Variants in ADAM2 observed in about 807,000 individuals in gnomAD.
ADAM2 encodes disintegrin and metalloproteinase domain-containing protein 2.
Under a neutral mutation model 99.3 loss-of-function variants are expected in ADAM2, and 101 were observed. The ratio of observed to expected loss-of-function variants is 1.02; its 90% confidence interval spans 0.87 to 1.20. The LOEUF (loss-of-function observed/expected upper bound fraction) is 1.20, where lower values mean the gene tolerates loss of function less well. Among genes scored for constraint, ADAM2 ranks in the 50% most tolerant of loss-of-function variants. The pLI is 0.00. For missense variants in ADAM2, 948 were observed against 878.7 expected (o/e 1.08, Z -1.00); for synonymous variants, 323 against 287.6 (o/e 1.12, Z -1.25).
intron 19 of ADAM2, among the ~76,000 whole-genome samples, chr8:39,746,188 G>A (rs929927512): frequency 1.6e-4 from 25 of 152,074 alleles, no homozygotes; most frequent in African/African-American, 5.8e-4. Context: ...ACCACGCCTG[G>A]CTAATTTTTG....
At chr8:39,750,308 G>A (rs949499795) in intron 16 of ADAM2, among the ~76,000 whole-genome samples, 24 of 151,958 alleles carry the variant, frequency 1.6e-4, no homozygotes, top group African/African-American at 5.5e-4. Flanking sequence ...AATGTACCTG[G>A]CCCCAAGAAG....
At chr8:39,829,128 G>C (rs947102777) in intron 3 of ADAM2, among the ~76,000 whole-genome samples, 1 of 151,810 alleles carries the variant, frequency 6.6e-6, no homozygotes, top group Admixed American at 6.6e-5. Context: ...GCCAATTTCT[G>C]TTTCAACAAA....
intron 16 of ADAM2, among the ~76,000 whole-genome samples, chr8:39,753,080 T>C (rs1400675919): frequency 1.3e-5 from 2 of 152,006 alleles, no homozygotes; most frequent in Admixed American, 6.6e-5. Context: ...TTGGAATCAT[T>C]TGGAGGGCTA....
intron 7 of ADAM2, among the ~76,000 whole-genome samples, chr8:39,790,302 A>C (rs1716422060): frequency 6.6e-6 from 1 of 151,976 alleles, no homozygotes; most frequent in African/African-American, 2.4e-5. Context: ...TCAACTAATG[A>C]ATAGGTAATC....
chr8:39,757,145 C>G lies in ADAM2; in HGVS notation c.1614-1234G>C, dbSNP rs1802178089. 2.0e-5 allele frequency among the ~76,000 whole-genome samples: 3 copies of G among 152,162 alleles called. No homozygotes were observed. The South Asian group carries it at 6.2e-4, about 32-fold the overall frequency. ...CTTCCTAAAATCACCTAACCCAAGT[C>G]CAAATCTCTAGAACTGGCATACTCC... On this transcript the variant is annotated intron_variant, in intron 15 of 20. Coordinates refer to ENST00000265708, the MANE Select transcript of ADAM2 (RefSeq NM_001464.5).
rs545328009 is a variant in ADAM2, at chr8:39,753,900, T to G, written c.1797+1828A>C. On this transcript the variant is annotated intron_variant, in intron 16 of 20. Coordinates refer to ENST00000265708, the MANE Select transcript of ADAM2 (RefSeq NM_001464.5). ...ATGAAAATGGGGCAATTTAAAAACC[T>G]GCCAACTTGCCCAGTGTTTGTAGAA... 2.6e-5 allele frequency among the ~76,000 whole-genome samples: 4 copies of G among 152,216 alleles called. No homozygotes were observed. In the East Asian group the frequency reaches 5.8e-4, roughly 22 times the overall value.
intron 6 of ADAM2, among the ~76,000 whole-genome samples, chr8:39,813,470 C>T (rs1036861384): frequency 1.2e-4 from 18 of 152,118 alleles, no homozygotes; most frequent in East Asian, 1.9e-4. Context: ...CACATGCACA[C>T]GTATGTTTAT....
chr8:39,780,397 G>A (rs1227825231), intron 10 of ADAM2, among the ~76,000 whole-genome samples: 1 of 152,118 alleles, frequency 6.6e-6, no homozygotes, highest in South Asian at 2.1e-4. Flanking sequence ...TGTTAGGATA[G>A]AATTGTAGGT....
intron 15 of ADAM2, among the ~76,000 whole-genome samples, chr8:39,757,266 G>A (rs1472209276): frequency 6.6e-6 from 1 of 151,906 alleles, no homozygotes; most frequent in African/African-American, 2.4e-5. Flanking sequence ...TGGCTGGAAG[G>A]CATTGTAGTA....
At chr8:39,760,028 G>C (rs1261287598) in intron 15 of ADAM2, among the ~76,000 whole-genome samples, 1 of 151,996 alleles carries the variant, frequency 6.6e-6, no homozygotes, top group African/African-American at 2.4e-5. Context: ...CATCATGCCT[G>C]GCTAATTTTT....
At chr8:39,832,451 T>G (rs2129589267) in intron 3 of ADAM2, among the ~76,000 whole-genome samples, 1 of 152,318 alleles carries the variant, frequency 6.6e-6, no homozygotes, top group Non-Finnish European at 1.5e-5. Context: ...CACTTTATGC[T>G]GTCCCATCCC....
chr8:39,791,932 A>C (rs1460548656), intron 7 of ADAM2, among the ~76,000 whole-genome samples: 6 of 152,060 alleles, frequency 3.9e-5, no homozygotes, highest in Admixed American at 3.9e-4. Context: ...TGCCACCTAA[A>C]ACTAGGATTC....
intron 11 of ADAM2, among the ~76,000 whole-genome samples, chr8:39,775,085 G>T (rs1288905697): frequency 6.6e-6 from 1 of 152,080 alleles, no homozygotes; most frequent in African/African-American, 2.4e-5. Flanking sequence ...ACAGGAAAAT[G>T]TACAGAATAT....
intron 7 of ADAM2, among the ~76,000 whole-genome samples, chr8:39,793,479 T>G (rs1358249041): frequency 2.0e-5 from 3 of 152,218 alleles, no homozygotes; most frequent in South Asian, 2.1e-4. Flanking sequence ...TTGGGAGAAT[T>G]TTTTAAGCTA....
At chr8:39,805,114 A>G (rs948388589) in intron 7 of ADAM2, among the ~76,000 whole-genome samples, 8 of 152,166 alleles carry the variant, frequency 5.3e-5, no homozygotes, top group Admixed American at 2.0e-4. Context: ...TTATAGACTG[A>G]AAGGGGCAAA....
At chr8:39,751,895 T>C (rs985141485) in intron 16 of ADAM2, among the ~76,000 whole-genome samples, 2 of 152,074 alleles carry the variant, frequency 1.3e-5, no homozygotes, top group African/African-American at 4.8e-5. Context: ...TGCAGTGGCT[T>C]GGTCTCAGCT....
At chr8:39,824,684 CATT>C in intron 4 of ADAM2, 132 bp downstream of exon 4, 1 of 647,996 alleles carries the variant, frequency 1.5e-6, no homozygotes, top group Non-Finnish European at 2.8e-6. Context: ...CAGTATACAT[CATT>C]AACAGGAAAA....
rs745697486 is a variant in ADAM2, at chr8:39,821,080, A to G, written c.435T>C (p.His145=). The change falls in exon 6 of 21, where the codon CAT becomes CAC. Residue 145 remains histidine, a synonymous_variant. Coordinates refer to ENST00000265708, the MANE Select transcript of ADAM2 (RefSeq NM_001464.5). The part of the protein sequence containing the change: ...GFEHVIYQVK[H]KKADVSLYNE... ...TATATAAGGAAACATCTGCTTTCTT[A>G]TGTTTTACTTGGTAAATTACATGTT... is the stretch of plus-strand genomic sequence containing the variant. 28 of 1,607,914 alleles carry G rather than the reference A, an allele frequency of 1.7e-5. No homozygotes were observed. Among genetic ancestry groups the G allele is most frequent in the Non-Finnish European group, 2.4e-5 (28 of 1,174,948 alleles).
intron 15 of ADAM2, among the ~76,000 whole-genome samples, chr8:39,759,898 G>C (rs1209514201): frequency 6.6e-6 from 1 of 151,902 alleles, no homozygotes; most frequent in Non-Finnish European, 1.5e-5. Flanking sequence ...GTGGAGTCTC[G>C]CTCTGTCGCC....
Sources: allele counts gnomAD v4.1 joint callset (sites outside exome capture counted in the v4.1 genomes callset), GRCh38; gene constraint gnomAD v4.1.1; transcripts MANE v1.5; gene names NCBI Gene and HGNC (gene_info 2026-07-23, HGNC 2026-07-21).